ARHGEF10: variants seen among roughly 807,000 people sequenced by gnomAD.
The protein encoded by ARHGEF10 is Rho guanine nucleotide exchange factor (GEF) 10.
Under a neutral mutation model 147.4 loss-of-function variants are expected in ARHGEF10, and 140 were observed. The observed-to-expected ratio is 0.95, with a 90% CI of 0.83 to 1.09. The LOEUF (loss-of-function observed/expected upper bound fraction) is 1.09, where lower values mean the gene tolerates loss of function less well. Among genes scored for constraint, ARHGEF10 ranks in the 50% least tolerant of loss-of-function variants. ARHGEF10 has a pLI of 0.00. For missense variants in ARHGEF10, 2,222 were observed against 1,752.7 expected, an observed-to-expected ratio of 1.27 and a Z score of -4.78; for synonymous variants, 902 against 695.8, an observed-to-expected ratio of 1.30 and a Z score of -4.67.
rs867309790 is a variant in ARHGEF10, at chr8:1,864,497, G to C, written c.545+61G>C. Reference sequence around the variant, plus strand: ...CCGCCTTTCTCCTGAGGAGCTGGACGTGGGGATCCTGGTGTGTGTCCCTGC... The same window carrying C: ...CCGCCTTTCTCCTGAGGAGCTGGACCTGGGGATCCTGGTGTGTGTCCCTGC... On this transcript the variant is annotated intron_variant, in intron 5 of 28. Coordinates refer to ENST00000349830, the MANE Select transcript of ARHGEF10 (RefSeq NM_014629.4). The C allele has an allele frequency of 1.9e-6, 3 of 1,543,782 alleles. No homozygotes were observed. The South Asian group carries it at 3.3e-5, about 17-fold the overall frequency.
At chr8:1,922,845 C>T (rs912216174) in intron 18 of ARHGEF10, 119 bp from the exon 19 acceptor site, 2 of 703,168 alleles carry the variant, frequency 2.8e-6, no homozygotes, top group Non-Finnish European at 4.9e-6. Context: ...TTTAAAAGTT[C>T]TAGATTCACC....
chr8:1,917,240 G>C (rs1017072549), intron 18 of ARHGEF10, among the ~76,000 whole-genome samples: 1 of 152,190 alleles, frequency 6.6e-6, no homozygotes, highest in South Asian at 2.1e-4. Flanking sequence ...GTTTTCCCCA[G>C]TTTCCATTTC....
intron 18 of ARHGEF10, among the ~76,000 whole-genome samples, chr8:1,915,729 C>T (rs1811711940): frequency 6.6e-6 from 1 of 152,262 alleles, no homozygotes; most frequent in Admixed American, 6.5e-5. Context: ...ACCCTTCAAA[C>T]TCTCTGTCTT....
chr8:1,835,225 C>T (rs1051080632), intron 1 of ARHGEF10, among the ~76,000 whole-genome samples: 22 of 152,174 alleles, frequency 1.4e-4, no homozygotes, highest in African/African-American at 4.6e-4. Context: ...CCAGGATGCT[C>T]GAGGCCCGAG....
chr8:1,947,339 C>T (rs905570411), intron 27 of ARHGEF10, among the ~76,000 whole-genome samples: 2 of 152,188 alleles, frequency 1.3e-5, no homozygotes, highest in Admixed American at 6.5e-5. Context: ...CGGGGCGAAG[C>T]AGCCCACGGT....
chr8:1,952,514 T>C (rs1815137902), intron 27 of ARHGEF10, among the ~76,000 whole-genome samples, 191 bp from the exon 28 acceptor site: 2 of 152,206 alleles, frequency 1.3e-5, no homozygotes, highest in African/African-American at 4.8e-5. Flanking sequence ...GGGTATGCCC[T>C]CAAGACCCTT....
Position 1,943,171 on chromosome 8 carries a change from A to T in ARHGEF10, c.3223-2310A>T, listed in dbSNP as rs372255928. On this transcript the variant is annotated intron_variant, in intron 26 of 28. Transcript: ENST00000349830. The stretch of plus-strand genomic sequence containing the variant: ...CGGCCTGCCTAGCACAGGCAGGAGG[A>T]GGGGAACCCTACAGCCCAGCCGGAA... Among the ~76,000 whole-genome samples the T allele has an allele frequency of 4.5e-4, 69 of 152,326 alleles. 1 individual carries two copies. In the East Asian group the frequency reaches 0.011, roughly 25 times the overall value.
chr8:1,897,693 T>C (rs1269032601), intron 14 of ARHGEF10, among the ~76,000 whole-genome samples: 1 of 152,188 alleles, frequency 6.6e-6, no homozygotes, highest in Non-Finnish European at 1.5e-5. Context: ...CATCTCTTTC[T>C]TTTGGGGAAA....
intron 27 of ARHGEF10, among the ~76,000 whole-genome samples, chr8:1,946,212 T>C (rs977650991): frequency 2.0e-5 from 3 of 152,204 alleles, no homozygotes; most frequent in African/African-American, 7.2e-5. Flanking sequence ...CCCAACCGGC[T>C]TCTTTCACGG....
Position 1,923,074 on chromosome 8 carries a change from T to C in ARHGEF10, c.2254T>C (p.Tyr752His), listed in dbSNP as rs1433100415. The change falls in exon 19 of 29, where the codon TAT (tyrosine) becomes CAT (histidine). Residue 752 changes from tyrosine to histidine, a missense_variant. Tyr to His is a moderately conservative substitution (Grantham distance 83). Coordinates refer to ENST00000349830, the MANE Select transcript of ARHGEF10 (RefSeq NM_014629.4). ...TQLIGNLKGN[Y>H]QNLNQSVAHD... ...GCTGATAGGAAACCTTAAAGGAAAC[T>C]ATCAGGTAACAATTGAAGCAATTGG... 1.9e-6 allele frequency: 3 copies of C among 1,600,492 alleles called. No homozygotes were observed. Among genetic ancestry groups the C allele is most frequent in the East Asian group, 2.2e-5 (1 of 44,770 alleles).
chr8:1,865,887 C>G (rs1806563706), intron 5 of ARHGEF10, among the ~76,000 whole-genome samples: 1 of 152,204 alleles, frequency 6.6e-6, no homozygotes, highest in Admixed American at 6.5e-5. Context: ...GACGACTGAT[C>G]CCTGGTGCAT....
chr8:1,882,680 C>A lies in ARHGEF10; in HGVS notation c.1006C>A (p.Leu336Met), dbSNP rs535594007. The stretch of plus-strand genomic sequence containing the variant: ...CGCGAAGGACGGCACCAAGGACGGG[C>A]TGGAGAGGACCAGGGCAGCCGTGAA... ...KAAKDGTKDG[L>M]ERTRAAVKRG... is the part of the protein sequence containing the mutation. Residue 336 changes from leucine (L) to methionine (M), a missense_variant, in exon 10 of 29, where the codon CTG (leucine) becomes ATG (methionine). Leu to Met is a conservative substitution (Grantham distance 15). Transcript: ENST00000349830. 1.3e-6 allele frequency: 2 copies of A among 1,557,022 alleles called. No individual in the cohort carries two copies. The highest frequency in any genetic ancestry group is 3.9e-5 in the Admixed American group (2 of 51,782).
At chr8:1,950,957 C>G (rs1166017328) in intron 27 of ARHGEF10, among the ~76,000 whole-genome samples, 1 of 152,150 alleles carries the variant, frequency 6.6e-6, no homozygotes, top group African/African-American at 2.4e-5. Context: ...TTCAGTCACG[C>G]AGCCGCAGCC....
rs149984010 is a variant in ARHGEF10 at position 1,869,167 on chromosome 8, TAA to T, written c.623-25_623-24del. 12 of 1,604,856 alleles carry T rather than the reference TAA, an allele frequency of 7.5e-6. No homozygotes were observed. In the Admixed American group the frequency reaches 1.0e-4, roughly 13 times the overall value. On this transcript the variant is annotated intron_variant, in intron 6 of 28. Coordinates refer to ENST00000349830, the MANE Select transcript of ARHGEF10 (RefSeq NM_014629.4). The stretch of plus-strand genomic sequence containing the variant: ...GCACTAGGTTTTGTTGGTCACTGTT[TAA>T]AGTGTTTCTCCCCGTTTATTGCAGA...
chr8:1,898,149 C>T (rs979968708), intron 14 of ARHGEF10, among the ~76,000 whole-genome samples: 5 of 152,280 alleles, frequency 3.3e-5, no homozygotes, highest in African/African-American at 1.2e-4. Context: ...ACACAGACAC[C>T]CAAGGACAGC....
intron 1 of ARHGEF10, among the ~76,000 whole-genome samples, chr8:1,839,771 T>A (rs371802673): frequency 5.6e-4 from 77 of 137,558 alleles, no homozygotes; most frequent in East Asian, 1.4e-3. Context: ...GTGTGGGGAC[T>A]GTCTGGTGTG....
At position 1,870,148 on chromosome 8, in the gene ARHGEF10, C is replaced by G. The variant is rs372496321; in HGVS notation, c.679+898C>G. On this transcript the variant is annotated intron_variant, in intron 7 of 28. Transcript: ENST00000349830. ...GATGCAGCCGGAGCCCCAGCCAGTG[C>G]CGACTGAAGAGGAGGGTGACCGTTC... 4.6e-5 allele frequency: 7 copies of G among 151,888 alleles called. 1 individual carries two copies. Among genetic ancestry groups the G allele is most frequent in the African/African-American group, 1.7e-4 (7 of 41,370 alleles). The allele number at this position is 151,888 out of a possible 1,614,324, so 9.4% of individuals were successfully genotyped here.
intron 25 of ARHGEF10, among the ~76,000 whole-genome samples, chr8:1,930,835 G>A (rs1001649176): frequency 6.7e-6 from 1 of 150,292 alleles, no homozygotes; most frequent in African/African-American, 2.4e-5. Context: ...ACTCCGGTAG[G>A]TGGAGTAAGC....
chr8:1,836,289 C>T (rs908043570), intron 1 of ARHGEF10, among the ~76,000 whole-genome samples: 1 of 152,158 alleles, frequency 6.6e-6, no homozygotes, highest in Non-Finnish European at 1.5e-5. Flanking sequence ...AGCCTGCAGC[C>T]CAGGCAGGTA....
Sources: gnomAD v4.1 joint callset for allele counts (sites outside exome capture counted in the v4.1 genomes callset) on GRCh38, gnomAD v4.1.1 for gene constraint, MANE v1.5 for transcripts, NCBI Gene and HGNC (gene_info 2026-07-23, HGNC 2026-07-21) for gene names.